The following ARPP21 variants were observed in gnomAD, a reference collection of about 807,000 sequenced individuals.
ARPP21 encodes the protein cAMP-regulated phosphoprotein 21.
In ARPP21, 69 loss-of-function variants were observed where a neutral mutation model predicts 113.2. The observed-to-expected ratio is 0.61, with a 90% confidence interval of 0.50 to 0.74. The LOEUF is 0.74. ARPP21 is among the 30% of genes least tolerant of loss of function. ARPP21 has a pLI of 0.00. For missense variants in ARPP21, 1,070 were observed against 1,037.4 expected (o/e 1.03, Z -0.43); for synonymous variants, 368 against 375.5 (o/e 0.98, Z 0.23).
intron 19 of ARPP21, among the ~76,000 whole-genome samples, chr3:35,765,294 G>A (rs764532529): frequency 6.6e-5 from 10 of 151,766 alleles, no homozygotes; most frequent in African/African-American, 9.7e-5. Flanking sequence ...TTTCTTCTTC[G>A]GTAATTTGTG....
chr3:35,767,440 A>G (rs148619326), intron 19 of ARPP21, among the ~76,000 whole-genome samples: 105 of 152,262 alleles, frequency 6.9e-4, no homozygotes, highest in African/African-American at 2.5e-3. Flanking sequence ...CCTGACTGAA[A>G]AACTGCTTAA....
chr3:35,660,708 A>G (rs1707352803), intron 1 of ARPP21, among the ~76,000 whole-genome samples: 1 of 152,216 alleles, frequency 6.6e-6, no homozygotes, highest in Non-Finnish European at 1.5e-5. Context: ...GGTATTTATC[A>G]GTAAGGAGAA....
At chr3:35,753,514 C>T (rs2095472531) in intron 19 of ARPP21, among the ~76,000 whole-genome samples, 1 of 151,916 alleles carries the variant, frequency 6.6e-6, no homozygotes, top group Non-Finnish European at 1.5e-5. Context: ...GAAAATGTAT[C>T]CCTATCACCC....
chr3:35,688,225 G>A (rs1374490843), intron 6 of ARPP21, among the ~76,000 whole-genome samples: 1 of 151,504 alleles, frequency 6.6e-6, no homozygotes, highest in African/African-American at 2.4e-5. Flanking sequence ...GAACAGTAAT[G>A]ATACCAAGTT....
At chr3:35,757,155 G>A (rs573402121) in intron 19 of ARPP21, among the ~76,000 whole-genome samples, 85 of 148,140 alleles carry the variant, frequency 5.7e-4, no homozygotes, top group Non-Finnish European at 1.1e-3. Flanking sequence ...TTGAACTGCC[G>A]AGCTCAAATA....
At position 35,688,733 on chromosome 3, in the gene ARPP21, G is replaced by GTA. The variant is rs796279787; in HGVS notation, c.407-570_407-569dup. ...CTGAGGAATATCTAAAATCCAAGGT[G>GTA]TATATGACAGTAAAGAAGTTCAGGT... On this transcript the variant is annotated intron_variant, in intron 6 of 20. Transcript: ENST00000684406. Among the ~76,000 whole-genome samples, 69 of 151,706 alleles carry GTA rather than the reference G, an allele frequency of 4.5e-4. 1 individual carries two copies. The highest frequency in any genetic ancestry group is 1.6e-3 in the African/African-American group (68 of 41,458).
intron 15 of ARPP21, among the ~76,000 whole-genome samples, chr3:35,731,604 T>A (rs2093977000): frequency 6.6e-6 from 1 of 152,200 alleles, no homozygotes; most frequent in Admixed American, 6.5e-5. Context: ...TGTACATATA[T>A]GCATTATATA....
intron 18 of ARPP21, among the ~76,000 whole-genome samples, chr3:35,740,855 TG>T (rs1015599615): frequency 3.9e-5 from 6 of 151,960 alleles, no homozygotes; most frequent in African/African-American, 1.4e-4. Flanking sequence ...CCCTGCACTT[TG>T]GGGGGCTGAG....
At chr3:35,684,843 A>C in intron 5 of ARPP21, 4 of 980,806 alleles carry the variant, frequency 4.1e-6, no homozygotes, top group Non-Finnish European at 4.8e-6. Flanking sequence ...CACTCATGTC[A>C]TAAGGCATGG....
intron 13 of ARPP21, among the ~76,000 whole-genome samples, chr3:35,718,340 T>C (rs530773602): frequency 3.9e-5 from 6 of 152,300 alleles, no homozygotes; most frequent in Non-Finnish European, 7.4e-5. Context: ...TATGTATCAT[T>C]AGACAATTAA....
At chr3:35,708,002 G>A (rs913761404) in intron 10 of ARPP21, among the ~76,000 whole-genome samples, 6 of 151,900 alleles carry the variant, frequency 3.9e-5, no homozygotes, top group African/African-American at 1.5e-4. Context: ...AAGACAATAT[G>A]CATCTCAAGT....
intron 18 of ARPP21, among the ~76,000 whole-genome samples, chr3:35,742,027 C>T (rs1001686384): frequency 1.3e-5 from 2 of 152,144 alleles, no homozygotes; most frequent in African/African-American, 4.8e-5. Context: ...AAACAAACAA[C>T]AACAAAAATT....
chr3:35,750,476 C>A (rs1176823879), intron 19 of ARPP21, among the ~76,000 whole-genome samples: 1 of 152,024 alleles, frequency 6.6e-6, no homozygotes, highest in Non-Finnish European at 1.5e-5. Context: ...GGTGGTTTTA[C>A]GACCCAGGAA....
intron 19 of ARPP21, chr3:35,785,296 T>C (rs2096606522): frequency 6.6e-6 from 1 of 152,242 alleles, no homozygotes; most frequent in Non-Finnish European, 1.5e-5. Flanking sequence ...GAGTCTTTCA[T>C]GCGGTCTTTC....
Position 35,668,017 on chromosome 3 carries a change from G to GAAGAAGAAGAAGAAGAAA in ARPP21, c.-212-11755_-212-11754insAAAAAGAAGAAGAAGAAG, listed in dbSNP as rs2075277566. Among the ~76,000 whole-genome samples the GAAGAAGAAGAAGAAGAAA allele has an allele frequency of 6.0e-5, 9 of 149,586 alleles. No homozygotes were observed. In the East Asian group the frequency reaches 1.2e-3, roughly 20 times the overall value. ...AGAAGAAGAAGAAGAAGAAGAAGAA[G>GAAGAAGAAGAAGAAGAAA]AAGAAGAAGAAGAAGGAGAAGAAGA... On this transcript the variant is annotated intron_variant, in intron 1 of 20. Transcript: ENST00000684406.
chr3:35,674,149 T>A (rs967655220), intron 1 of ARPP21, among the ~76,000 whole-genome samples: 1 of 151,996 alleles, frequency 6.6e-6, no homozygotes, highest in African/African-American at 2.4e-5. Flanking sequence ...ACCAGTTAGA[T>A]TAATAATGCC....
intron 14 of ARPP21, 61 bp from the exon 15 acceptor site, chr3:35,729,242 G>A (rs1309586028): frequency 8.4e-7 from 1 of 1,192,992 alleles, no homozygotes; most frequent in Non-Finnish European, 1.2e-6. Flanking sequence ...TTTAGACTCA[G>A]ATTGGTGCTT....
At chr3:35,772,444 C>T (rs1428133095) in intron 19 of ARPP21, among the ~76,000 whole-genome samples, 4 of 152,144 alleles carry the variant, frequency 2.6e-5, no homozygotes, top group African/African-American at 9.7e-5. Context: ...GTTAAGTAAC[C>T]TACTCAGAGC....
At chr3:35,683,961 T>C (rs1242434695) in intron 5 of ARPP21, 146 bp downstream of exon 5, 3 of 1,273,018 alleles carry the variant, frequency 2.4e-6, no homozygotes, top group Non-Finnish European at 3.4e-6. Context: ...CCCCTGCTTA[T>C]GCAACATTCT....
Sources: gnomAD v4.1 joint callset for allele counts (sites outside exome capture counted in the v4.1 genomes callset) on GRCh38, gnomAD v4.1.1 for gene constraint, MANE v1.5 for transcripts, NCBI Gene and HGNC (gene_info 2026-07-23, HGNC 2026-07-21) for gene names.